The following PCDHGB1 variants were observed in gnomAD, a reference collection of about 807,000 sequenced individuals.
PCDHGB1 encodes protocadherin gamma-B1.
PCDHGB1 carries 34 observed loss-of-function variants against 56.6 expected under a neutral mutation model. The ratio of observed to expected loss-of-function variants is 0.60; its 90% confidence interval spans 0.46 to 0.80. PCDHGB1 has a LOEUF of 0.80. Ranked by LOEUF, PCDHGB1 falls within the 30% of genes least tolerant of loss-of-function variation. The pLI, the probability that PCDHGB1 is intolerant of heterozygous loss-of-function variation, is 0.00. For synonymous variants in PCDHGB1, 561 were observed against 505.9 expected, an observed-to-expected ratio of 1.11 and a Z score of -1.46; for missense variants, 1,278 against 1,204.6, an observed-to-expected ratio of 1.06 and a Z score of -0.90.
chr5:141,370,235 G>T, intron 1 of PCDHGB1: 5 of 608,818 alleles, frequency 8.2e-6, no homozygotes, highest in Non-Finnish European at 1.3e-5. Flanking sequence ...CAGCTCGGAA[G>T]AAAAGTGCAC....
In PCDHGB1 at chr5:141,432,487, G is replaced by A; in HGVS notation, c.2410-62320G>A. On this transcript the variant is annotated intron_variant, in intron 1 of 3. Coordinates refer to ENST00000523390, the MANE Select transcript of PCDHGB1 (RefSeq NM_018922.3). This position sits in a 1 kb window ranked among gnomAD's most constrained non-coding sequence, Gnocchi z 6.0. ...CCACGGACGGTTCCACTGGCGTGGA[G>A]CTGGCTCCCCGCTCCGCAGAGCCCG... 1.2e-6 allele frequency: 2 copies of A among 1,614,208 alleles called. No homozygotes were observed. The highest frequency in any genetic ancestry group is 2.2e-5 in the East Asian group (1 of 44,874).
chr5:141,444,965 A>C (rs561160996), intron 1 of PCDHGB1, among the ~76,000 whole-genome samples: 18 of 152,234 alleles, frequency 1.2e-4, no homozygotes, highest in South Asian at 6.2e-4. Context: ...CAATATTGAC[A>C]CTTCAAATCC....
chr5:141,506,162 C>T (rs1448735916), intron 3 of PCDHGB1, among the ~76,000 whole-genome samples: 1 of 152,124 alleles, frequency 6.6e-6, no homozygotes, highest in Non-Finnish European at 1.5e-5. Flanking sequence ...CTTAAGAGCA[C>T]AGCCTAAGCT....
chr5:141,404,363 A>G (rs1459982001), intron 1 of PCDHGB1: 15 of 1,613,846 alleles, frequency 9.3e-6, no homozygotes, highest in African/African-American at 1.3e-5. Flanking sequence ...AGGTACTTCC[A>G]TCTTCTCCGT....
At chr5:141,437,741 C>CT (rs35124340) in intron 1 of PCDHGB1, among the ~76,000 whole-genome samples, 18,734 of 141,656 alleles carry the variant, frequency 0.13, 1,459 homozygotes, top group African/African-American at 0.22. Context: ...TTGAGTTCAC[C>CT]TTTTTTTTTT....
chr5:141,468,677 T>A (rs545029270), intron 1 of PCDHGB1: 1 of 150,902 alleles, frequency 6.6e-6, no homozygotes, highest in African/African-American at 2.4e-5. Flanking sequence ...CCATCCTGGC[T>A]AACACGGTGA....
At chr5:141,471,046 C>G (rs960750377) in intron 1 of PCDHGB1, among the ~76,000 whole-genome samples, 3 of 113,280 alleles carry the variant, frequency 2.6e-5, no homozygotes, top group African/African-American at 1.1e-4. Context: ...CCCAAGCCCT[C>G]TTTTTTTTTT....
intron 3 of PCDHGB1, among the ~76,000 whole-genome samples, chr5:141,506,866 T>C (rs1182560001): frequency 2.6e-5 from 4 of 152,104 alleles, no homozygotes; most frequent in Admixed American, 2.6e-4. Context: ...GACTGGTGGG[T>C]AGAGAACCAG....
chr5:141,350,127 C>A lies in PCDHGB1; in HGVS notation c.-134C>A. 1.5e-6 allele frequency: 1 copy of A among 689,194 alleles called. No individual in the cohort carries two copies. Among genetic ancestry groups the A allele is most frequent in the Non-Finnish European group, 2.2e-6 (1 of 459,186 alleles). The allele number at this position is 689,194 out of a possible 1,614,324, so 42.7% of individuals were successfully genotyped here. On this transcript the variant is annotated 5_prime_UTR_variant, in exon 1 of 4. Transcript: ENST00000523390. ...TTCCTGCTTTGTCCGGTGCACTGAG[C>A]ACAGACGCTGCTCCTGTTCACCCTC...
chr5:141,366,780 C>A, intron 1 of PCDHGB1: 1 of 1,584,768 alleles, frequency 6.3e-7, no homozygotes, highest in Non-Finnish European at 8.6e-7. Context: ...TAAGGATGAC[C>A]AGAACATTTT....
chr5:141,384,247 C>T (rs1779885951), intron 1 of PCDHGB1: 1 of 1,613,912 alleles, frequency 6.2e-7, no homozygotes, highest in Non-Finnish European at 8.5e-7. Flanking sequence ...CGATAACCCA[C>T]CCACCTTCCC....
chr5:141,423,672 T>A, intron 1 of PCDHGB1: 2 of 1,549,982 alleles, frequency 1.3e-6, no homozygotes, highest in Non-Finnish European at 1.7e-6. Context: ...TGAGATTTAT[T>A]TCTCTGCCTC....
At chr5:141,385,495 T>G in intron 1 of PCDHGB1, 1 of 1,391,982 alleles carries the variant, frequency 7.2e-7, no homozygotes, top group Non-Finnish European at 9.3e-7. Flanking sequence ...ACATAGGATA[T>G]AGTATTTCTT....
At chr5:141,384,808 G>A in intron 1 of PCDHGB1, 3 of 1,613,484 alleles carry the variant, frequency 1.9e-6, no homozygotes, top group Non-Finnish European at 2.5e-6. Flanking sequence ...GGACAGAGAT[G>A]CCCTCAAGCA....
intron 1 of PCDHGB1, chr5:141,391,541 G>T (rs2092385789): frequency 6.6e-6 from 1 of 152,056 alleles, no homozygotes; most frequent in South Asian, 2.1e-4. Flanking sequence ...GGTTTCCATT[G>T]TCTACCCAGT....
At chr5:141,388,814 C>A in intron 1 of PCDHGB1, 1 of 1,613,826 alleles carries the variant, frequency 6.2e-7, no homozygotes, top group Non-Finnish European at 8.5e-7. Context: ...TTGAAGAAGT[C>A]AAAGAATATT....
At chr5:141,384,906 C>T (rs767972748) in intron 1 of PCDHGB1, 4 of 1,613,882 alleles carry the variant, frequency 2.5e-6, no homozygotes, top group Non-Finnish European at 3.4e-6. Flanking sequence ...ACAGCATCCC[C>T]GAAGTCTTGG....
chr5:141,483,133 T>C (rs1263073911), intron 1 of PCDHGB1, among the ~76,000 whole-genome samples: 25 of 152,142 alleles, frequency 1.6e-4, no homozygotes, highest in South Asian at 1.2e-3. Flanking sequence ...GGAGATGAGG[T>C]GAAGCAAGTA....
intron 1 of PCDHGB1, chr5:141,370,899 C>T (rs1767293695): frequency 1.2e-6 from 2 of 1,614,010 alleles, no homozygotes. Flanking sequence ...TTCGCTGCAG[C>T]AGTACTACCT....
Sources: allele counts gnomAD v4.1 joint callset (sites outside exome capture counted in the v4.1 genomes callset), GRCh38; gene constraint gnomAD v4.1.1; non-coding constraint Gnocchi (gnomAD v3.1); transcripts MANE v1.5; gene names NCBI Gene and HGNC (gene_info 2026-07-23, HGNC 2026-07-21).